Variants in SLCO3A1 observed in about 807,000 individuals in gnomAD.
SLCO3A1 encodes the protein solute carrier organic anion transporter family member 3A1.
In SLCO3A1, 27 loss-of-function variants were observed where a neutral mutation model predicts 63.1. That is an observed-to-expected ratio of 0.43 (90% CI 0.32 to 0.59). The LOEUF is 0.59. Among genes scored for constraint, SLCO3A1 ranks in the 20% least tolerant of loss-of-function variants. The pLI, the probability that SLCO3A1 is intolerant of heterozygous loss-of-function variation, is 0.09. For missense variants in SLCO3A1, 773 were observed against 945.8 expected, an observed-to-expected ratio of 0.82 and a Z score of 2.40; for synonymous variants, 473 against 409.9, an observed-to-expected ratio of 1.15 and a Z score of -1.86.
chr15:92,116,367 G>T (rs539336347), intron 4 of SLCO3A1, among the ~76,000 whole-genome samples: 2 of 152,156 alleles, frequency 1.3e-5, no homozygotes, highest in Non-Finnish European at 1.5e-5. Context: ...CCTAGAGACC[G>T]CTCTCCTGCC....
chr15:92,020,931 A>G (rs1251473939), intron 2 of SLCO3A1, among the ~76,000 whole-genome samples: 3 of 152,242 alleles, frequency 2.0e-5, no homozygotes, highest in Non-Finnish European at 4.4e-5. Context: ...TAATAGTGTA[A>G]AATTCCTGGC....
Position 91,912,820 on chromosome 15 carries a change from C to T in SLCO3A1, c.181-3173C>T, listed in dbSNP as rs775511362. ...GGACCCCACCCAGACATGTTCTTTT[C>T]CACTTCTGCATCCAGTCCCCTTTGG... On this transcript the variant is annotated intron_variant, in intron 1 of 9. Coordinates refer to ENST00000318445, the MANE Select transcript of SLCO3A1 (RefSeq NM_013272.4). This position sits in a 1 kb window ranked among gnomAD's most constrained non-coding sequence, Gnocchi z 5.0. Among the ~76,000 whole-genome samples, 7 of 152,170 alleles carry T rather than the reference C, an allele frequency of 4.6e-5. No individual in the cohort carries two copies. Among genetic ancestry groups the T allele is most frequent in the Non-Finnish European group, 1.0e-4 (7 of 68,038 alleles).
intron 2 of SLCO3A1, among the ~76,000 whole-genome samples, chr15:91,953,782 C>T (rs1900077599): frequency 6.6e-6 from 1 of 152,102 alleles, no homozygotes. Context: ...GAACACTTCC[C>T]ACACTGCTGT....
In SLCO3A1 at chr15:92,126,184, C is replaced by T. The variant is rs764628066; in HGVS notation, c.1298C>T (p.Ala433Val). ...MAMLVNLVST[A>V]CYVSFLFLGC... ...ATGCTCGTCAACCTGGTGTCCACTG[C>T]TTGCTACGTCTCCTTCCTCTTCCTG... Residue 433 changes from alanine to valine, a missense_variant, in exon 6 of 10, where the codon GCT becomes GTT. Around this residue, in one of 3 missense-constraint regions of SLCO3A1, gnomAD observed 565 missense variants for 749.8 expected, o/e 0.75. Coordinates refer to ENST00000318445, the MANE Select transcript of SLCO3A1 (RefSeq NM_013272.4). 6.2e-7 allele frequency: 1 copy of T among 1,614,048 alleles called. No homozygotes were observed. The highest frequency in any genetic ancestry group is 1.1e-5 in the South Asian group (1 of 91,080).
At chr15:91,965,721 G>GGTGTGTGTGT (rs35543509) in intron 2 of SLCO3A1, among the ~76,000 whole-genome samples, 186 of 147,632 alleles carry the variant, frequency 1.3e-3, no homozygotes, top group African/African-American at 4.3e-3. Flanking sequence ...CAGCCAGCAG[G>GGTGTGTGTGT]GTGTGTGTGT....
intron 2 of SLCO3A1, among the ~76,000 whole-genome samples, chr15:91,933,537 A>C (rs547929473): frequency 4.9e-4 from 74 of 152,368 alleles, no homozygotes; most frequent in African/African-American, 1.7e-3. Flanking sequence ...ATACTAAAAA[A>C]ATCACAGAAT....
rs1000258416 is a variant in SLCO3A1 at position 92,164,271 on chromosome 15, C to T, written c.*1136C>T. On this transcript the variant is annotated 3_prime_UTR_variant, in exon 10 of 10. Transcript: ENST00000318445. ...TAATTTTCATCATTTTATCCTCATT[C>T]GAATATTCTACAAAAACAAGAATAT... 5.1e-5 allele frequency: 50 copies of T among 982,368 alleles called. No individual in the cohort carries two copies. Among genetic ancestry groups the T allele is most frequent in the East Asian group, 1.1e-4 (1 of 8,776 alleles). The allele number at this position is 982,368 out of a possible 1,614,324, so 60.9% of individuals were successfully genotyped here.
chr15:92,120,660 T>A, intron 5 of SLCO3A1, 31 bp downstream of exon 5: 1 of 1,473,374 alleles, frequency 6.8e-7, no homozygotes, highest in Non-Finnish European at 9.4e-7. Context: ...CCTGAGAGGG[T>A]CGGGGGAGGG....
At position 92,033,835 on chromosome 15, in the gene SLCO3A1, C is replaced by A. The variant is rs1327384256; in HGVS notation, c.647-61046C>A. 6.6e-6 allele frequency among the ~76,000 whole-genome samples: 1 copy of A among 151,998 alleles called. No individual in the cohort carries two copies. Among genetic ancestry groups the A allele is most frequent in the Admixed American group, 6.6e-5 (1 of 15,264 alleles). On this transcript the variant is annotated intron_variant, in intron 2 of 9. Coordinates refer to ENST00000318445, the MANE Select transcript of SLCO3A1 (RefSeq NM_013272.4). The surrounding 1 kb of genome is among the most constrained non-coding windows in gnomAD (Gnocchi z 4.5). ...GACATCAAGGGAGTGAGGGACAAGC[C>A]GGGAGGTTATCTGGAGGAAAAACAT...
intron 2 of SLCO3A1, among the ~76,000 whole-genome samples, chr15:92,059,032 C>T (rs1283414073): frequency 6.6e-6 from 1 of 152,188 alleles, no homozygotes; most frequent in Non-Finnish European, 1.5e-5. Context: ...GTGCTGGCGT[C>T]AGGGTTGGAG....
intron 2 of SLCO3A1, among the ~76,000 whole-genome samples, chr15:92,016,254 T>TAGATTGATTGATTAGATAGATAGA: frequency 2.1e-5 from 2 of 95,658 alleles, no homozygotes; most frequent in Non-Finnish European, 4.3e-5. Context: ...GATAGATAGA[T>TAGATTGATTGATTAGATAGATAGA]TAGATAGATA....
Position 92,164,689 on chromosome 15 carries a change from T to G in SLCO3A1, c.*1554T>G, listed in dbSNP as rs776418138. ...ATGCGTGAAAATGTCTGTGACATTT[T>G]CAGTGTTAGTCTTGAACTAAGGCCC... On this transcript the variant is annotated 3_prime_UTR_variant, in exon 10 of 10. Coordinates refer to ENST00000318445, the MANE Select transcript of SLCO3A1 (RefSeq NM_013272.4). 3.0e-5 allele frequency: 30 copies of G among 985,330 alleles called. No homozygotes were observed. In the South Asian group the frequency reaches 7.5e-4, roughly 25 times the overall value. 61.0% of individuals were successfully genotyped at this position (985,330 alleles called of 1,614,324 possible).
chr15:91,920,789 A>G (rs1872728188), intron 2 of SLCO3A1, among the ~76,000 whole-genome samples: 10 of 152,196 alleles, frequency 6.6e-5, no homozygotes, highest in Admixed American at 5.9e-4. Context: ...TCTACCATGA[A>G]TAATCCCTAT....
Position 91,860,081 on chromosome 15 carries a change from G to A in SLCO3A1, c.180+5993G>A, listed in dbSNP as rs1050605802. On this transcript the variant is annotated intron_variant, in intron 1 of 9. Transcript: ENST00000318445. This position sits in a 1 kb window ranked among gnomAD's most constrained non-coding sequence, Gnocchi z 5.5. The stretch of plus-strand genomic sequence containing the variant: ...TAGTCACATGGGAGAGGAGCCCACT[G>A]CAGGAATGGTGATTCATGTTGATCA... Among the ~76,000 whole-genome samples the A allele has an allele frequency of 6.6e-6, 1 of 152,174 alleles. No individual in the cohort carries two copies. The highest frequency in any genetic ancestry group is 1.5e-5 in the Non-Finnish European group (1 of 68,040).
intron 2 of SLCO3A1, among the ~76,000 whole-genome samples, chr15:91,994,892 G>A (rs375897959): frequency 1.3e-4 from 20 of 152,130 alleles, no homozygotes; most frequent in African/African-American, 4.6e-4. Flanking sequence ...TGCTGCTGTC[G>A]GAGCCTAGGA....
At chr15:92,051,670 G>T (rs1198225948) in intron 2 of SLCO3A1, among the ~76,000 whole-genome samples, 3 of 152,170 alleles carry the variant, frequency 2.0e-5, no homozygotes, top group African/African-American at 7.2e-5. Context: ...ATCGTGAAAT[G>T]AACAGCTACG....
At chr15:92,030,870 C>A (rs555258067) in intron 2 of SLCO3A1, among the ~76,000 whole-genome samples, 4 of 152,240 alleles carry the variant, frequency 2.6e-5, no homozygotes, top group South Asian at 4.2e-4. Context: ...AGATGCCCAC[C>A]CTTGACTCAG....
chr15:91,906,790 G>A (rs550340507), intron 1 of SLCO3A1, among the ~76,000 whole-genome samples: 11 of 152,288 alleles, frequency 7.2e-5, no homozygotes, highest in African/African-American at 2.4e-4. Context: ...TGAAAGCTCC[G>A]ATCCTGAGTG....
In SLCO3A1 at chr15:91,882,558, AG is replaced by A. The variant is rs1349683002; in HGVS notation, c.180+28472del. 7.3e-6 allele frequency among the ~76,000 whole-genome samples: 1 copy of A among 136,632 alleles called. No homozygotes were observed. Among genetic ancestry groups the A allele is most frequent in the African/African-American group, 2.7e-5 (1 of 36,700 alleles). 89.6% of individuals were successfully genotyped at this position (136,632 alleles called of 152,430 possible). A position where few individuals can be genotyped will look rare whatever the true frequency, so the allele number is the denominator to read the frequency against. ...GAGATGGAGTTTCACTCTGTCGCCC[AG>A]GCCCGAGTGCAGTGGCATGATCTCA... On this transcript the variant is annotated intron_variant, in intron 1 of 9. Transcript: ENST00000318445. This position sits in a 1 kb window ranked among gnomAD's most constrained non-coding sequence, Gnocchi z 4.4.
Sources: allele counts gnomAD v4.1 joint callset (sites outside exome capture counted in the v4.1 genomes callset), GRCh38; gene constraint gnomAD v4.1.1; regional missense constraint gnomAD v4.1.1; non-coding constraint Gnocchi (gnomAD v3.1); transcripts MANE v1.5; gene names NCBI Gene and HGNC (gene_info 2026-07-23, HGNC 2026-07-21).